GFRAL: variants seen among roughly 807,000 people sequenced by gnomAD.
GFRAL encodes GDNF family receptor alpha like.
A neutral mutation model predicts 45.4 loss-of-function variants in GFRAL; 36 were observed. That is an observed-to-expected ratio of 0.79 (90% confidence interval 0.61 to 1.05). The LOEUF is 1.05. Ranked by LOEUF, GFRAL falls within the 50% of genes least tolerant of loss-of-function variation. The pLI is 0.00. For missense variants in GFRAL, 507 were observed against 467.5 expected (o/e 1.08, Z -0.78); for synonymous variants, 166 against 154.1 (o/e 1.08, Z -0.57).
chr6:55,344,900 GACAA>G (rs772885386), intron 3 of GFRAL, among the ~76,000 whole-genome samples: 2 of 152,038 alleles, frequency 1.3e-5, no homozygotes, highest in African/African-American at 2.4e-5. Context: ...ACCAATAATA[GACAA>G]ACAGAGAGCC....
chr6:55,354,313 G>A (rs1214410779), intron 5 of GFRAL, among the ~76,000 whole-genome samples: 2 of 151,994 alleles, frequency 1.3e-5, no homozygotes, highest in Non-Finnish European at 2.9e-5. Context: ...TCCTCAACAA[G>A]GACCCCCAGC....
Position 55,327,575 on chromosome 6 carries a change from G to A in GFRAL, c.21G>A (p.Leu7=), listed in dbSNP as rs747353073. 1.2e-6 allele frequency: 2 copies of A among 1,612,514 alleles called. No homozygotes were observed. The highest frequency in any genetic ancestry group is 1.7e-5 in the Admixed American group (1 of 59,888). The change falls in exon 1 of 9, where the codon TTG becomes TTA. Residue 7 remains leucine, a splice_region_variant and synonymous_variant. Coordinates refer to ENST00000340465, the MANE Select transcript of GFRAL (RefSeq NM_207410.2). MIVFIF[L]AMGLSLENEY... Reference sequence around the variant, plus strand: ...CCAGCATGATAGTGTTTATTTTCTTGGGTAAGTGAATGGTGCTTCTGGTTT... The same window carrying A: ...CCAGCATGATAGTGTTTATTTTCTTAGGTAAGTGAATGGTGCTTCTGGTTT...
intron 3 of GFRAL, among the ~76,000 whole-genome samples, chr6:55,346,680 TTAAAG>T (rs1326526868): frequency 6.6e-6 from 1 of 151,900 alleles, no homozygotes; most frequent in African/African-American, 2.4e-5. Flanking sequence ...ACCCTAGAAC[TTAAAG>T]TATAAAAGTA....
chr6:55,370,343 A>G (rs1768434720), intron 6 of GFRAL, among the ~76,000 whole-genome samples: 1 of 152,074 alleles, frequency 6.6e-6, no homozygotes, highest in South Asian at 2.1e-4. Flanking sequence ...AATCCAATCA[A>G]TATATTGTTT....
intron 5 of GFRAL, 50 bp from the exon 6 acceptor site, chr6:55,358,838 G>A (rs1768230926): frequency 6.4e-7 from 1 of 1,556,100 alleles, no homozygotes; most frequent in Non-Finnish European, 8.8e-7. Flanking sequence ...ACATGTTAAT[G>A]TGAAATAACA....
At position 55,342,192 on chromosome 6, in the gene GFRAL, TGAG is replaced by T. The variant is rs1187756577; in HGVS notation, c.317-7899_317-7897del. On this transcript the variant is annotated intron_variant, in intron 3 of 8. Transcript: ENST00000340465. ...CAGAGAATGCCACAAAGATATTCCT[TGAG>T]AAGAGCAACTCCAAGACACATAATT... 1.2e-4 allele frequency among the ~76,000 whole-genome samples: 18 copies of T among 152,190 alleles called. 1 individual carries two copies. The highest frequency in any genetic ancestry group is 4.3e-4 in the African/African-American group (18 of 41,532).
intron 5 of GFRAL, among the ~76,000 whole-genome samples, chr6:55,357,954 G>A (rs1768218397): frequency 6.6e-6 from 1 of 151,698 alleles, no homozygotes; most frequent in African/African-American, 2.4e-5. Context: ...CAGCATTGAA[G>A]GAATATGTTT....
intron 6 of GFRAL, among the ~76,000 whole-genome samples, chr6:55,378,310 T>C (rs990134914): frequency 2.6e-5 from 4 of 152,108 alleles, no homozygotes; most frequent in African/African-American, 9.7e-5. Flanking sequence ...GTATAAATTC[T>C]AGTTGGAAAG....
chr6:55,369,358 G>A (rs922952024), intron 6 of GFRAL, among the ~76,000 whole-genome samples: 4 of 152,218 alleles, frequency 2.6e-5, no homozygotes, highest in Admixed American at 2.0e-4. Flanking sequence ...TCCCTAGTGA[G>A]ATGAACCCGG....
At chr6:55,369,839 G>T (rs1179085519) in intron 6 of GFRAL, among the ~76,000 whole-genome samples, 2 of 152,150 alleles carry the variant, frequency 1.3e-5, no homozygotes, top group African/African-American at 2.4e-5. Flanking sequence ...CCTGTACTGT[G>T]CTTAAAATAT....
intron 8 of GFRAL, among the ~76,000 whole-genome samples, chr6:55,401,494 A>T (rs915151077): frequency 2.0e-5 from 3 of 152,222 alleles, no homozygotes; most frequent in Non-Finnish European, 4.4e-5. Flanking sequence ...GTTTCATGTT[A>T]TGCTATATTC....
chr6:55,386,731 T>TA (rs1224239529), intron 6 of GFRAL, among the ~76,000 whole-genome samples: 1 of 152,018 alleles, frequency 6.6e-6, no homozygotes, highest in African/African-American at 2.4e-5. Context: ...CATGGAGGAG[T>TA]AGTTCCTAAA....
chr6:55,368,040 C>A lies in GFRAL; in HGVS notation c.952+8902C>A, dbSNP rs957262692. ...TGGATAATATCCTGCAGAGTGTTTT[C>A]CAACTTGGTTCCATTCTCCCCATCA... On this transcript the variant is annotated intron_variant, in intron 6 of 8. Coordinates refer to ENST00000340465, the MANE Select transcript of GFRAL (RefSeq NM_207410.2). Among the ~76,000 whole-genome samples, 4 of 148,526 alleles carry A rather than the reference C, an allele frequency of 2.7e-5. No homozygotes were observed. The East Asian group carries it at 5.9e-4, about 22-fold the overall frequency.
chr6:55,336,356 G>A (rs992964737), intron 3 of GFRAL, among the ~76,000 whole-genome samples: 10 of 152,108 alleles, frequency 6.6e-5, no homozygotes, highest in African/African-American at 2.4e-4. Flanking sequence ...TTACTATGTC[G>A]AGTGTTCAGA....
At chr6:55,400,062 C>T (rs1243820226) in intron 8 of GFRAL, among the ~76,000 whole-genome samples, 1 of 152,006 alleles carries the variant, frequency 6.6e-6, no homozygotes, top group Admixed American at 6.6e-5. Flanking sequence ...TATACATCAA[C>T]CTCTAGATTT....
chr6:55,355,676 T>G (rs1768180978), intron 5 of GFRAL, among the ~76,000 whole-genome samples: 1 of 151,928 alleles, frequency 6.6e-6, no homozygotes. Context: ...GCAAACAAAT[T>G]TTTCTACCTT....
chr6:55,332,480 C>T (rs942200348), intron 2 of GFRAL, among the ~76,000 whole-genome samples: 15 of 151,664 alleles, frequency 9.9e-5, no homozygotes, highest in African/African-American at 3.4e-4. Context: ...AGTGTAGCTG[C>T]GTGATCTCGG....
At chr6:55,347,267 C>T (rs1017646322) in intron 3 of GFRAL, among the ~76,000 whole-genome samples, 6 of 151,834 alleles carry the variant, frequency 4.0e-5, no homozygotes, top group African/African-American at 7.3e-5. Flanking sequence ...GCTTTGGAAG[C>T]GAGTAAGATA....
intron 6 of GFRAL, among the ~76,000 whole-genome samples, chr6:55,387,680 G>T (rs186605545): frequency 3.9e-5 from 6 of 152,162 alleles, no homozygotes; most frequent in Non-Finnish European, 7.4e-5. Flanking sequence ...ATCCATTGAT[G>T]ATGGCAACGG....
Sources: gnomAD v4.1 joint callset for allele counts (sites outside exome capture counted in the v4.1 genomes callset) on GRCh38, gnomAD v4.1.1 for gene constraint, MANE v1.5 for transcripts, NCBI Gene and HGNC (gene_info 2026-07-23, HGNC 2026-07-21) for gene names.